The following ANKRD12 variants were observed in gnomAD, a reference collection of about 807,000 sequenced individuals.
ANKRD12 encodes ankyrin repeat domain 12.
Under a neutral mutation model 183.4 loss-of-function variants are expected in ANKRD12, and 85 were observed. The ratio of observed to expected loss-of-function variants is 0.46; its 90% CI spans 0.39 to 0.56. The LOEUF (loss-of-function observed/expected upper bound fraction) is 0.56. ANKRD12 is among the 20% of genes least tolerant of loss of function. ANKRD12 has a pLI of 0.00. For missense variants in ANKRD12, 2,405 were observed against 2,357.1 expected, an observed-to-expected ratio of 1.02 and a Z score of -0.42; for synonymous variants, 914 against 800.2, an observed-to-expected ratio of 1.14 and a Z score of -2.40.
At chr18:9,260,981 C>G (rs571340427) in intron 9 of ANKRD12, among the ~76,000 whole-genome samples, 22 of 152,088 alleles carry the variant, frequency 1.4e-4, no homozygotes, top group Non-Finnish European at 2.6e-4. Flanking sequence ...TCCTGTGGTC[C>G]CTTACCACCC....
intron 4 of ANKRD12, 21 bp from the exon 5 acceptor site, chr18:9,208,636 C>T: frequency 1.3e-6 from 2 of 1,585,048 alleles, no homozygotes; most frequent in Non-Finnish European, 1.7e-6. Flanking sequence ...CAAATTCTTA[C>T]ATATTTGTTA....
Position 9,188,403 on chromosome 18 carries a change from A to G in ANKRD12, c.87+5884A>G, listed in dbSNP as rs1004895830. On this transcript the variant is annotated intron_variant, in intron 2 of 12. Transcript: ENST00000262126. ...TCTGTCTTTCGAGGCTGTTTATCAT[A>G]CAAATACCCATGAAAAGATAGTCCA... Among the ~76,000 whole-genome samples the G allele has an allele frequency of 7.2e-5, 11 of 152,328 alleles. No individual in the cohort carries two copies. In the East Asian group the frequency reaches 7.7e-4, roughly 11 times the overall value.
chr18:9,182,511 G>C lies in ANKRD12; in HGVS notation c.79G>C (p.Gly27Arg), dbSNP rs2033771013. 1.3e-6 allele frequency: 2 copies of C among 1,599,262 alleles called. No individual in the cohort carries two copies. Among genetic ancestry groups the C allele is most frequent in the South Asian group, 2.2e-5 (2 of 89,184 alleles). Residue 27 changes from glycine (G) to arginine (R), a missense_variant, in exon 2 of 13, where the codon GGA becomes CGA. Transcript: ENST00000262126. ...SDSNMVEKPYGRKSKDKIASY... is the reference protein window; with the variant it reads ...SDSNMVEKPYRRKSKDKIASY... ...CAGCAATATGGTAGAGAAACCATAT[G>C]GAAGAAAGGTATATGATTATACTAA... is the stretch of plus-strand genomic sequence containing the variant.
chr18:9,197,873 A>G (rs1180263028), intron 3 of ANKRD12, among the ~76,000 whole-genome samples: 1 of 152,166 alleles, frequency 6.6e-6, no homozygotes, highest in African/African-American at 2.4e-5. Context: ...AGGTGGTTCA[A>G]GGTCAATTGT....
At chr18:9,251,045 G>A (rs973592779) in intron 8 of ANKRD12, among the ~76,000 whole-genome samples, 29 of 152,176 alleles carry the variant, frequency 1.9e-4, no homozygotes, top group African/African-American at 6.7e-4. Context: ...ACCTACTCCT[G>A]AAATATATGT....
At chr18:9,188,946 A>G (rs1203239590) in intron 2 of ANKRD12, among the ~76,000 whole-genome samples, 1 of 152,212 alleles carries the variant, frequency 6.6e-6, no homozygotes, top group Non-Finnish European at 1.5e-5. Flanking sequence ...TAAGTATTCA[A>G]GTGAAGAGTG....
intron 1 of ANKRD12, among the ~76,000 whole-genome samples, chr18:9,138,122 C>T (rs2078186559): frequency 6.6e-6 from 1 of 152,232 alleles, no homozygotes; most frequent in Non-Finnish European, 1.5e-5. Flanking sequence ...CCTGCATCTG[C>T]AGTCATGTAT....
chr18:9,216,901 G>A lies in ANKRD12; in HGVS notation c.795+1G>A. ...TTCTGCTAGTAGTGGGCACAGAGAT[G>A]TAAGTATGATAGAAAAAAATCAATA... On this transcript the variant is annotated splice_donor_variant, in intron 7 of 12. Transcript: ENST00000262126. LOFTEE classifies it high-confidence loss of function. 1 of 1,609,218 alleles carries A rather than the reference G, an allele frequency of 6.2e-7. No homozygotes were observed. The highest frequency in any genetic ancestry group is 8.5e-7 in the Non-Finnish European group (1 of 1,178,564).
intron 12 of ANKRD12, 59 bp downstream of exon 12, chr18:9,279,703 A>AT: frequency 9.7e-7 from 1 of 1,029,224 alleles, no homozygotes; most frequent in East Asian, 2.4e-5. Context: ...AAAAAAAAAA[A>AT]ACTCTACAGC....
intron 1 of ANKRD12, among the ~76,000 whole-genome samples, chr18:9,178,172 A>G (rs1011086837): frequency 1.1e-4 from 16 of 152,162 alleles, no homozygotes; most frequent in African/African-American, 3.9e-4. Context: ...TCTGCTTTTC[A>G]TTACCTATTT....
In ANKRD12 at chr18:9,255,922, T is replaced by C. The variant is rs2038585809; in HGVS notation, c.2655T>C (p.Gly885=). The change falls in exon 9 of 13, where the codon GGT becomes GGC. Residue 885 remains glycine (G), a synonymous_variant. Coordinates refer to ENST00000262126, the MANE Select transcript of ANKRD12 (RefSeq NM_015208.5). ...SHHTEKCHKE[G]EKSKNTAAIK... is the part of the protein sequence containing the mutation. ...ACACAGAAAAATGCCATAAAGAAGGTGAGAAGAGCAAAAATACTGCTGCTA... is the reference window on the plus strand; with the variant it reads ...ACACAGAAAAATGCCATAAAGAAGGCGAGAAGAGCAAAAATACTGCTGCTA... The C allele has an allele frequency of 6.3e-7, 1 of 1,583,002 alleles. No individual in the cohort carries two copies. The highest frequency in any genetic ancestry group is 1.4e-5 in the African/African-American group (1 of 71,798).
chr18:9,149,793 A>ATTTTTTT (rs11403682), intron 1 of ANKRD12, among the ~76,000 whole-genome samples: 13 of 145,110 alleles, frequency 9.0e-5, no homozygotes, highest in South Asian at 6.3e-4. Context: ...TATTTATTAA[A>ATTTTTTT]TTTTATTTTT....
chr18:9,171,826 C>G (rs939608674), intron 1 of ANKRD12, among the ~76,000 whole-genome samples: 3 of 152,028 alleles, frequency 2.0e-5, no homozygotes. Context: ...TCGAGACCAG[C>G]CTAGCCAACA....
chr18:9,142,672 A>G (rs990213094), intron 1 of ANKRD12, among the ~76,000 whole-genome samples: 5 of 152,194 alleles, frequency 3.3e-5, no homozygotes. Context: ...ACCTGAGGTC[A>G]GGAGTTTGAG....
intron 8 of ANKRD12, among the ~76,000 whole-genome samples, chr18:9,229,620 G>T (rs985837507): frequency 6.6e-6 from 1 of 152,076 alleles, no homozygotes; most frequent in Non-Finnish European, 1.5e-5. Context: ...CATTATTGGT[G>T]TGTAAAAATG....
Position 9,166,201 on chromosome 18 carries a change from A to G in ANKRD12, c.-51-16181A>G, listed in dbSNP as rs955401971. Among the ~76,000 whole-genome samples the G allele has an allele frequency of 7.9e-5, 12 of 152,270 alleles. 1 individual carries two copies. The highest frequency in any genetic ancestry group is 2.9e-4 in the African/African-American group (12 of 41,542). ...AACATACGTGTGCATGTGTCTTTAT[A>G]GCAGCATGATTTGTAATCCTTTGGG... On this transcript the variant is annotated intron_variant, in intron 1 of 12. Coordinates refer to ENST00000262126, the MANE Select transcript of ANKRD12 (RefSeq NM_015208.5).
At chr18:9,245,489 C>T (rs1012625289) in intron 8 of ANKRD12, among the ~76,000 whole-genome samples, 1 of 151,964 alleles carries the variant, frequency 6.6e-6, no homozygotes, top group African/African-American at 2.4e-5. Context: ...TTTATAATCA[C>T]TAGTTTGTAA....
intron 1 of ANKRD12, among the ~76,000 whole-genome samples, chr18:9,179,123 G>C (rs946705604): frequency 1.3e-5 from 2 of 152,090 alleles, no homozygotes; most frequent in Admixed American, 6.5e-5. Context: ...TATTGACCAT[G>C]TATTCTATGT....
intron 8 of ANKRD12, among the ~76,000 whole-genome samples, chr18:9,224,950 T>C (rs899321026): frequency 2.0e-5 from 3 of 152,160 alleles, no homozygotes; most frequent in Admixed American, 2.0e-4. Flanking sequence ...TTAAAAAGTC[T>C]TGTGGGCTGG....
Sources: gnomAD v4.1 joint callset for allele counts (sites outside exome capture counted in the v4.1 genomes callset) on GRCh38, gnomAD v4.1.1 for gene constraint, MANE v1.5 for transcripts, NCBI Gene and HGNC (gene_info 2026-07-23, HGNC 2026-07-21) for gene names.